Variants in SAMD12 observed in about 807,000 individuals in gnomAD.
SAMD12 encodes the protein sterile alpha motif domain containing 12.
A neutral mutation model predicts 15.0 loss-of-function variants in SAMD12; 9 were observed. The observed-to-expected ratio is 0.60, with a 90% CI of 0.36 to 1.05. The LOEUF (loss-of-function observed/expected upper bound fraction) is 1.05. SAMD12 is among the 50% of genes least tolerant of loss of function. The pLI is 0.01. For missense variants in SAMD12, 230 were observed against 234.2 expected (o/e 0.98, Z 0.12); for synonymous variants, 86 against 90.1 (o/e 0.96, Z 0.25).
rs186127485 is a variant in SAMD12, at chr8:118,487,102, T to C, written c.193-47141A>G. Among the ~76,000 whole-genome samples, 221 of 152,042 alleles carry C rather than the reference T, an allele frequency of 1.5e-3. 1 individual carries two copies. The highest frequency in any genetic ancestry group is 5.8e-4 in the East Asian group (3 of 5,174). ...AAGACGGGTGCAGAGTGGCTCTAGG[T>C]GGGGCAAACAGAATCCCCAGCACAA... On this transcript the variant is annotated intron_variant, in intron 2 of 3. Transcript: ENST00000314727.
chr8:118,262,074 G>A (rs1002906993), intron 4 of SAMD12, among the ~76,000 whole-genome samples: 1 of 152,028 alleles, frequency 6.6e-6, no homozygotes, highest in African/African-American at 2.4e-5. Flanking sequence ...TACAGACAGA[G>A]GCAGGATTTG....
At chr8:118,515,641 C>T (rs1033783095) in intron 2 of SAMD12, among the ~76,000 whole-genome samples, 3 of 152,138 alleles carry the variant, frequency 2.0e-5, no homozygotes, top group Non-Finnish European at 4.4e-5. Flanking sequence ...TGAGGGACCA[C>T]AGTTTATCTT....
intron 2 of SAMD12, among the ~76,000 whole-genome samples, chr8:118,476,359 T>C (rs891565621): frequency 2.0e-5 from 3 of 152,222 alleles, no homozygotes; most frequent in African/African-American, 7.2e-5. Context: ...GTGGGCAGCA[T>C]CTGGGTTTTG....
chr8:118,561,422 C>T (rs1826697807), intron 2 of SAMD12, among the ~76,000 whole-genome samples: 1 of 152,136 alleles, frequency 6.6e-6, no homozygotes, highest in South Asian at 2.1e-4. Flanking sequence ...CTCATATTCT[C>T]ATGCAATAAT....
the SAMD12 span, among the ~76,000 whole-genome samples, chr8:118,180,974 T>C: frequency 6.6e-6 from 1 of 152,158 alleles, no homozygotes; most frequent in African/African-American, 2.4e-5. Flanking sequence ...CAACCTTACC[T>C]GAGTCAGGCA....
chr8:118,179,773 C>T, the SAMD12 span, among the ~76,000 whole-genome samples: 12 of 152,158 alleles, frequency 7.9e-5, no homozygotes, highest in Non-Finnish European at 1.5e-4. Flanking sequence ...GACTTATGCA[C>T]ATACGGGACT....
chr8:118,346,920 C>T (rs1817692622), intron 4 of SAMD12, among the ~76,000 whole-genome samples: 2 of 152,098 alleles, frequency 1.3e-5, no homozygotes, highest in African/African-American at 4.8e-5. Flanking sequence ...CTGTTGTTGT[C>T]AAAGACAGGG....
chr8:118,501,739 G>A (rs138956929), intron 2 of SAMD12, among the ~76,000 whole-genome samples: 1 of 152,160 alleles, frequency 6.6e-6, no homozygotes, highest in Admixed American at 6.5e-5. Flanking sequence ...ATTCTGGGCC[G>A]GGCGCGGTGG....
At chr8:118,563,306 G>C (rs1404361562) in intron 2 of SAMD12, among the ~76,000 whole-genome samples, 1 of 152,154 alleles carries the variant, frequency 6.6e-6, no homozygotes, top group East Asian at 1.9e-4. Flanking sequence ...TTAAAAGAAT[G>C]AGTAGAAAAA....
In SAMD12 at chr8:118,384,781, C is replaced by A. The variant is rs186964709; in HGVS notation, c.323-5081G>T. ...AAATATTCTTCTTTTCTTGAATGCT[C>A]TTATTCCTTCAAGACTCTCCTCGAA... On this transcript the variant is annotated intron_variant, in intron 3 of 3. Transcript: ENST00000314727. 2.1e-4 allele frequency among the ~76,000 whole-genome samples: 32 copies of A among 152,302 alleles called. 1 individual carries two copies. Among genetic ancestry groups the A allele is most frequent in the African/African-American group, 7.2e-4 (30 of 41,560 alleles).
At chr8:118,215,622 A>T (rs1456127135) in intron 4 of SAMD12, among the ~76,000 whole-genome samples, 1 of 95,914 alleles carries the variant, frequency 1.0e-5, no homozygotes, top group Non-Finnish European at 2.2e-5. Flanking sequence ...CTCTCCCCCC[A>T]CCCCACCACA....
intron 3 of SAMD12, among the ~76,000 whole-genome samples, chr8:118,401,402 AG>A (rs1221442061): frequency 5.9e-5 from 9 of 152,104 alleles, no homozygotes; most frequent in Non-Finnish European, 1.3e-4. Flanking sequence ...TTTTAGAGAC[AG>A]GGTTTGGCTC....
chr8:118,417,203 C>G (rs1417018271), intron 3 of SAMD12, among the ~76,000 whole-genome samples: 1 of 152,052 alleles, frequency 6.6e-6, no homozygotes. Context: ...ACCTCATCCT[C>G]CGGGGTAGCT....
At chr8:118,329,347 G>A (rs997868135) in intron 4 of SAMD12, among the ~76,000 whole-genome samples, 3 of 152,032 alleles carry the variant, frequency 2.0e-5, no homozygotes, top group East Asian at 3.9e-4. Flanking sequence ...ATATATAAAG[G>A]AGTTATTAAA....
At chr8:118,307,818 C>G (rs1436559836) in intron 4 of SAMD12, among the ~76,000 whole-genome samples, 4 of 140,814 alleles carry the variant, frequency 2.8e-5, no homozygotes, top group Non-Finnish European at 6.1e-5. Flanking sequence ...GATGCTCTGC[C>G]TCTGGCTTTT....
At chr8:118,190,392 T>C (rs946822624) in exon 5 of SAMD12, 6 of 152,142 alleles carry the variant, frequency 3.9e-5, no homozygotes, top group African/African-American at 1.4e-4. Flanking sequence ...CAACCTGGGA[T>C]TGGCAGTCTT....
chr8:118,337,761 C>T (rs868088000), intron 4 of SAMD12, among the ~76,000 whole-genome samples: 1 of 152,034 alleles, frequency 6.6e-6, no homozygotes, highest in Non-Finnish European at 1.5e-5. Flanking sequence ...AGTAATTGAT[C>T]CAAAGCTCAA....
At chr8:118,480,542 T>C (rs1270517906) in intron 2 of SAMD12, among the ~76,000 whole-genome samples, 1 of 152,212 alleles carries the variant, frequency 6.6e-6, no homozygotes, top group Admixed American at 6.5e-5. Flanking sequence ...TCAAGCAAAT[T>C]AATCATTAAG....
At chr8:118,598,668 T>A (rs1020570552) in intron 1 of SAMD12, among the ~76,000 whole-genome samples, 68 of 152,162 alleles carry the variant, frequency 4.5e-4, no homozygotes, top group African/African-American at 1.6e-3. Flanking sequence ...CTCTCAACAA[T>A]CCTTCTGGGT....
Sources: gnomAD v4.1 joint callset for allele counts (sites outside exome capture counted in the v4.1 genomes callset) on GRCh38, gnomAD v4.1.1 for gene constraint, MANE v1.5 for transcripts, NCBI Gene and HGNC (gene_info 2026-07-23, HGNC 2026-07-21) for gene names.